The following SHROOM3 variants were observed in gnomAD, a reference collection of about 807,000 sequenced individuals.
SHROOM3 encodes the protein shroom family member 3, also known as protein Shroom3.
In SHROOM3, 47 loss-of-function variants were observed where a neutral mutation model predicts 138.6. The observed-to-expected ratio is 0.34, with a 90% CI of 0.27 to 0.43. The LOEUF (loss-of-function observed/expected upper bound fraction) is 0.43. SHROOM3 is among the 20% of genes least tolerant of loss of function. The pLI, the probability that SHROOM3 is intolerant of heterozygous loss-of-function variation, is 1.00. For synonymous variants in SHROOM3, 1,062 were observed against 1,063.3 expected (o/e 1.00, Z 0.02); for missense variants, 2,491 against 2,596.5 (o/e 0.96, Z 0.88).
At chr4:76,587,665 G>C (rs987771862) in intron 2 of SHROOM3, among the ~76,000 whole-genome samples, 23 of 152,012 alleles carry the variant, frequency 1.5e-4, no homozygotes, top group African/African-American at 4.8e-4. Flanking sequence ...TAACACATTA[G>C]TGACATTTAA....
rs886452896 is a variant in SHROOM3 at position 76,537,795 on chromosome 4, A to G, written c.169-17814A>G. Among the ~76,000 whole-genome samples, 4 of 152,146 alleles carry G rather than the reference A, an allele frequency of 2.6e-5. No homozygotes were observed. The East Asian group carries it at 5.8e-4, about 22-fold the overall frequency. On this transcript the variant is annotated intron_variant, in intron 1 of 10. Coordinates refer to ENST00000296043, the MANE Select transcript of SHROOM3 (RefSeq NM_020859.4). ...GCCTTCTATTCTGCCGCCTTGCTCC[A>G]CCCCAAGTCAGTAGTGTTTTTTTAG...
intron 2 of SHROOM3, among the ~76,000 whole-genome samples, chr4:76,574,638 C>T (rs1362866265): frequency 6.6e-6 from 1 of 152,030 alleles, no homozygotes; most frequent in Admixed American, 6.6e-5. Flanking sequence ...AAATGTATAG[C>T]CTTAAAAGCA....
chr4:76,613,981 T>C (rs1203276023), intron 2 of SHROOM3, among the ~76,000 whole-genome samples: 1 of 152,178 alleles, frequency 6.6e-6, no homozygotes, highest in Non-Finnish European at 1.5e-5. Flanking sequence ...GAAACACAAA[T>C]GAATGAAATG....
At chr4:76,647,201 G>A (rs1280569624) in intron 2 of SHROOM3, among the ~76,000 whole-genome samples, 1 of 152,136 alleles carries the variant, frequency 6.6e-6, no homozygotes, top group Non-Finnish European at 1.5e-5. Flanking sequence ...CATATGTGGG[G>A]GCTAAAAAAG....
chr4:76,743,622 T>C (rs1234818752), intron 5 of SHROOM3, among the ~76,000 whole-genome samples: 1 of 152,222 alleles, frequency 6.6e-6, no homozygotes, highest in Non-Finnish European at 1.5e-5. Context: ...TGCAGAACAA[T>C]AGATACTAGT....
intron 1 of SHROOM3, among the ~76,000 whole-genome samples, chr4:76,535,785 G>A (rs879653356): frequency 2.0e-5 from 3 of 152,202 alleles, no homozygotes; most frequent in East Asian, 1.9e-4. Context: ...GAATGACTTT[G>A]TTGTCACTGC....
chr4:76,615,521 T>C (rs1049126617), intron 2 of SHROOM3, among the ~76,000 whole-genome samples: 2 of 152,188 alleles, frequency 1.3e-5, no homozygotes, highest in Non-Finnish European at 2.9e-5. Flanking sequence ...AAGTTGAAAG[T>C]AAATTATCAT....
chr4:76,771,426 A>G (rs1406192201), intron 10 of SHROOM3, among the ~76,000 whole-genome samples: 1 of 151,964 alleles, frequency 6.6e-6, no homozygotes. Flanking sequence ...AATTCTTGGG[A>G]AAGTAAGAAC....
At chr4:76,447,381 G>A (rs1237417952) in intron 1 of SHROOM3, among the ~76,000 whole-genome samples, 1 of 152,162 alleles carries the variant, frequency 6.6e-6, no homozygotes, top group East Asian at 1.9e-4. Flanking sequence ...AATGAAAGAA[G>A]TTGTGTGGGT....
intron 5 of SHROOM3, among the ~76,000 whole-genome samples, chr4:76,745,363 C>T (rs182329625): frequency 8.1e-4 from 124 of 152,278 alleles, no homozygotes; most frequent in African/African-American, 2.7e-3. Context: ...ATATTTCCCC[C>T]GGATGCTGAG....
chr4:76,770,759 C>T lies in SHROOM3; in HGVS notation c.5483C>T (p.Pro1828Leu). The T allele has an allele frequency of 1.2e-6, 2 of 1,614,124 alleles. No homozygotes were observed. The highest frequency in any genetic ancestry group is 1.7e-6 in the Non-Finnish European group (2 of 1,180,034). Residue 1828 changes from proline (P) to leucine (L), a missense_variant, in exon 10 of 11, where the codon CCC (proline) becomes CTC (leucine). Pro to Leu is a moderately conservative substitution (Grantham distance 98, BLOSUM62 -3). Coordinates refer to ENST00000296043, the MANE Select transcript of SHROOM3 (RefSeq NM_020859.4). ...GCTCTGATCAGCGAGCTCTGCAAGC[C>T]CAATGAGTTTGACAAGTATAGGATG... ...VEALISELCK[P>L]NEFDKYRMFI...
intron 2 of SHROOM3, among the ~76,000 whole-genome samples, chr4:76,615,672 T>G (rs984494254): frequency 8.6e-5 from 13 of 151,898 alleles, no homozygotes; most frequent in Non-Finnish European, 1.5e-4. Context: ...CTAGGAGAGG[T>G]GCTCATGGCC....
chr4:76,520,906 A>G (rs12710876), intron 1 of SHROOM3, among the ~76,000 whole-genome samples: 37,372 of 151,848 alleles, frequency 0.25, 4,780 homozygotes, highest in East Asian at 0.51. Flanking sequence ...TTTCCCCAAT[A>G]TTTGGGCAGC....
At chr4:76,699,509 G>A (rs536414512) in intron 2 of SHROOM3, among the ~76,000 whole-genome samples, 2 of 152,250 alleles carry the variant, frequency 1.3e-5, no homozygotes, top group South Asian at 2.1e-4. Flanking sequence ...TTACAGAGAC[G>A]GCCTTGTGCA....
intron 2 of SHROOM3, among the ~76,000 whole-genome samples, chr4:76,599,824 G>A (rs1364572233): frequency 6.6e-6 from 1 of 152,086 alleles, no homozygotes; most frequent in Non-Finnish European, 1.5e-5. Context: ...CACAAGTGGT[G>A]GCTGTGGAAA....
intron 2 of SHROOM3, among the ~76,000 whole-genome samples, chr4:76,659,162 T>C (rs1310373808): frequency 6.6e-6 from 1 of 152,142 alleles, no homozygotes; most frequent in Non-Finnish European, 1.5e-5. Context: ...GAACCCTCAT[T>C]GTGAATACTC....
At chr4:76,621,130 C>G (rs1021511427) in intron 2 of SHROOM3, among the ~76,000 whole-genome samples, 3 of 150,450 alleles carry the variant, frequency 2.0e-5, no homozygotes, top group South Asian at 4.2e-4. Flanking sequence ...CCTCCAAGAG[C>G]CTTTTATTGC....
chr4:76,759,660 G>A lies in SHROOM3; in HGVS notation c.5314G>A (p.Glu1772Lys), dbSNP rs1377302934. ...KIKEMPAEVNEEEEQADVNEK... is the reference protein window; with the variant it reads ...KIKEMPAEVNKEEEQADVNEK... ...CAAAGAGATGCCAGCAGAAGTGAAT[G>A]AGGAAGAGGAACAGGCAGATGTCAA... Residue 1772 changes from glutamate (E) to lysine (K), a missense_variant, in exon 9 of 11, where the codon GAG becomes AAG. Physicochemically the swap from Glu to Lys is moderately conservative, Grantham distance 56 (BLOSUM62 1). Around this residue, in one of 4 missense-constraint regions of SHROOM3, gnomAD observed 470 missense variants for 595.0 expected, o/e 0.79. Transcript: ENST00000296043. 6.2e-7 allele frequency: 1 copy of A among 1,614,174 alleles called. No individual in the cohort carries two copies. Among genetic ancestry groups the A allele is most frequent in the South Asian group, 1.1e-5 (1 of 91,082 alleles).
chr4:76,688,798 G>C (rs528450497), intron 2 of SHROOM3: 1 of 985,330 alleles, frequency 1.0e-6, no homozygotes, highest in East Asian at 1.1e-4. Context: ...ACGACCGAAA[G>C]AATCACGTCT....
Sources: allele counts gnomAD v4.1 joint callset (sites outside exome capture counted in the v4.1 genomes callset), GRCh38; gene constraint gnomAD v4.1.1; regional missense constraint gnomAD v4.1.1; transcripts MANE v1.5; gene names NCBI Gene and HGNC (gene_info 2026-07-23, HGNC 2026-07-21).